Variants in BAZ2B observed in about 807,000 individuals in gnomAD.
BAZ2B encodes the protein bromodomain adjacent to zinc finger domain 2B, also known as bromodomain adjacent to zinc finger domain protein 2B.
Under a neutral mutation model 246.0 loss-of-function variants are expected in BAZ2B, and 91 were observed. The observed-to-expected ratio is 0.37, with a 90% CI of 0.31 to 0.44. BAZ2B has a LOEUF of 0.44. Among genes scored for constraint, BAZ2B ranks in the 20% least tolerant of loss-of-function variants. The pLI, the probability that BAZ2B is intolerant of heterozygous loss-of-function variation, is 1.00. For missense variants in BAZ2B, 2,332 were observed against 2,533.7 expected (o/e 0.92, Z 1.71); for synonymous variants, 855 against 860.0 (o/e 0.99, Z 0.10).
the BAZ2B span, among the ~76,000 whole-genome samples, chr2:159,666,450 G>T: frequency 6.6e-6 from 1 of 151,754 alleles, no homozygotes; most frequent in Non-Finnish European, 1.5e-5. Context: ...TTGTAAAGAT[G>T]GGGTTTCACC....
At chr2:159,671,476 A>C in the BAZ2B span, among the ~76,000 whole-genome samples, 30 of 152,202 alleles carry the variant, frequency 2.0e-4, no homozygotes, top group Non-Finnish European at 3.2e-4. Context: ...ATGTTTTTAA[A>C]ATGAGTTTAA....
intron 1 of BAZ2B, among the ~76,000 whole-genome samples, chr2:159,584,184 C>T (rs1046528400): frequency 6.6e-6 from 1 of 151,658 alleles, no homozygotes; most frequent in Non-Finnish European, 1.5e-5. Context: ...TGCAGCAGCA[C>T]GATCTCGACT....
chr2:159,555,281 G>C (rs1209466130), intron 2 of BAZ2B, among the ~76,000 whole-genome samples: 1 of 151,758 alleles, frequency 6.6e-6, no homozygotes, highest in African/African-American at 2.4e-5. Context: ...AGTAGAGTCG[G>C]GGTTTTACCA....
At chr2:159,415,934 G>A (rs1248466112) in intron 13 of BAZ2B, among the ~76,000 whole-genome samples, 2 of 151,996 alleles carry the variant, frequency 1.3e-5, no homozygotes, top group East Asian at 1.9e-4. Context: ...GGGTTTTATC[G>A]TCTTTACAAT....
chr2:159,441,562 T>C (rs1009232334), intron 6 of BAZ2B, among the ~76,000 whole-genome samples: 3 of 152,220 alleles, frequency 2.0e-5, no homozygotes, highest in Non-Finnish European at 4.4e-5. Context: ...TTCATTAGAG[T>C]ATATATGTGT....
intron 1 of BAZ2B, among the ~76,000 whole-genome samples, chr2:159,610,410 C>G (rs1694458912): frequency 6.6e-6 from 1 of 152,336 alleles, no homozygotes; most frequent in Admixed American, 6.5e-5. Flanking sequence ...TTACACCAAA[C>G]TGACTGCCAA....
At chr2:159,316,689 CAAAAAAAA>C (rs765748671), downstream of BAZ2B, among the ~76,000 whole-genome samples, 13 of 36,262 alleles carry the variant, frequency 3.6e-4, no homozygotes, top group South Asian at 1.5e-3. Context: ...GACTCCATCT[CAAAAAAAA>C]AAAAAAAAAA....
At chr2:159,508,786 T>C (rs1046479103) in intron 2 of BAZ2B, among the ~76,000 whole-genome samples, 1 of 152,196 alleles carries the variant, frequency 6.6e-6, no homozygotes, top group Middle Eastern at 3.2e-3. Context: ...CTAAATAATA[T>C]TGTCATCAGG....
At chr2:159,663,855 CTTTTTTTTTT>C in the BAZ2B span, among the ~76,000 whole-genome samples, 6,039 of 92,428 alleles carry the variant, frequency 0.065, 207 homozygotes, top group African/African-American at 0.17. Flanking sequence ...AAACCATTTT[CTTTTTTTTTT>C]TTTTTTTTTT....
rs778155906 is a variant in BAZ2B, at chr2:159,397,333, A to T, written c.3009+12T>A. On this transcript the variant is annotated intron_variant, in intron 19 of 36. Transcript: ENST00000392783. ...GTACATTCAACAATTGTATAACTAT[A>T]CATATACAGACCTGATGTTTCAGAA... is the stretch of plus-strand genomic sequence containing the variant. 9.2e-6 allele frequency: 14 copies of T among 1,522,410 alleles called. No individual in the cohort carries two copies. The South Asian group carries it at 1.1e-4, about 12-fold the overall frequency. The allele number at this position is 1,522,410 out of a possible 1,614,324, so 94.3% of individuals were successfully genotyped here.
At position 159,501,225 on chromosome 2, in the gene BAZ2B, T is replaced by TA. The variant is rs1491116353; in HGVS notation, c.-2-22505_-2-22504insT. 2.7e-3 allele frequency among the ~76,000 whole-genome samples: 317 copies of TA among 115,394 alleles called. 2 individuals carry two copies. Among genetic ancestry groups the TA allele is most frequent in the Non-Finnish European group, 4.3e-3 (249 of 57,578 alleles). The allele number at this position is 115,394 out of a possible 152,430, so 75.7% of individuals were successfully genotyped here. A position where few individuals can be genotyped will look rare whatever the true frequency, so the allele number is the denominator to read the frequency against. ...TATTTTTATATATATTATATATATA[T>TA]TTATATATATATATATAAAGTAGCT... is the stretch of plus-strand genomic sequence containing the variant. On this transcript the variant is annotated intron_variant, in intron 2 of 36. Coordinates refer to ENST00000392783, the MANE Select transcript of BAZ2B (RefSeq NM_013450.4).
intron 20 of BAZ2B, among the ~76,000 whole-genome samples, chr2:159,395,157 G>C (rs2063842614): frequency 6.6e-6 from 1 of 152,106 alleles, no homozygotes; most frequent in Admixed American, 6.6e-5. Context: ...AGGGGAACCT[G>C]TGTCTTTCAA....
the BAZ2B span, among the ~76,000 whole-genome samples, chr2:159,654,176 AAGAT>A: frequency 6.6e-6 from 1 of 152,178 alleles, no homozygotes; most frequent in African/African-American, 2.4e-5. Context: ...GATCAATAAA[AAGAT>A]AGCCGTTTCC....
chr2:159,374,846 G>A (rs77906701), intron 25 of BAZ2B, 93 bp from the exon 26 acceptor site: 22,943 of 1,054,868 alleles, frequency 0.022, 494 homozygotes, highest in African/African-American at 0.072. Context: ...TAGGCACTGC[G>A]GAAAGGTATT....
chr2:159,459,649 T>C (rs1478823174), intron 3 of BAZ2B: 1 of 152,140 alleles, frequency 6.6e-6, no homozygotes, highest in Non-Finnish European at 1.5e-5. Context: ...TATAATTACA[T>C]TTAAAACAAA....
At chr2:159,411,992 G>C (rs2066908688) in intron 14 of BAZ2B, 2 of 984,798 alleles carry the variant, frequency 2.0e-6, no homozygotes, top group South Asian at 4.7e-5. Context: ...CAAGGAATCG[G>C]GAGCTGTTAA....
intron 9 of BAZ2B, among the ~76,000 whole-genome samples, chr2:159,431,709 T>A (rs946378282): frequency 1.3e-5 from 2 of 152,134 alleles, no homozygotes; most frequent in African/African-American, 4.8e-5. Flanking sequence ...ATAATTATAG[T>A]AGGATAATTC....
intron 1 of BAZ2B, among the ~76,000 whole-genome samples, chr2:159,613,074 C>T (rs1292685537): frequency 6.6e-6 from 1 of 151,714 alleles, no homozygotes; most frequent in Non-Finnish European, 1.5e-5. Context: ...AAAGAAAAAA[C>T]CTGCATAAGA....
chr2:159,697,752 A>G, the BAZ2B span, among the ~76,000 whole-genome samples: 3 of 152,148 alleles, frequency 2.0e-5, no homozygotes, highest in Non-Finnish European at 2.9e-5. Flanking sequence ...ATATGTTTAT[A>G]CTTAGAGGAT....
Sources: gnomAD v4.1 joint callset for allele counts (sites outside exome capture counted in the v4.1 genomes callset) on GRCh38, gnomAD v4.1.1 for gene constraint, MANE v1.5 for transcripts, NCBI Gene and HGNC (gene_info 2026-07-23, HGNC 2026-07-21) for gene names.